The following LHFPL2 variants were observed in gnomAD, a reference collection of about 807,000 sequenced individuals.
The protein encoded by LHFPL2 is LHFPL tetraspan subfamily member 2, also known as LHFPL tetraspan subfamily member 2 protein.
Under a neutral mutation model 17.5 loss-of-function variants are expected in LHFPL2, and 7 were observed. The ratio of observed to expected loss-of-function variants is 0.40; its 90% CI spans 0.23 to 0.75. The LOEUF (loss-of-function observed/expected upper bound fraction) is 0.75. Ranked by LOEUF, LHFPL2 falls within the 30% of genes least tolerant of loss-of-function variation. LHFPL2 has a pLI of 0.37. For missense variants in LHFPL2, 241 were observed against 294.8 expected (o/e 0.82, Z 1.34); for synonymous variants, 134 against 116.2 (o/e 1.15, Z -0.99).
chr5:78,507,624 G>A lies in LHFPL2; in HGVS notation c.430+2160C>T, dbSNP rs1281836898. Among the ~76,000 whole-genome samples the A allele has an allele frequency of 2.0e-5, 3 of 152,110 alleles. No individual in the cohort carries two copies. In the East Asian group the frequency reaches 5.8e-4, roughly 29 times the overall value. ...AGATGTCCCACCCCTTCCAGTAAAT[G>A]GCCACTGGTTTGCTCGAAGGTAGTT... On this transcript the variant is annotated intron_variant, in intron 4 of 4. Coordinates refer to ENST00000380345, the MANE Select transcript of LHFPL2 (RefSeq NM_005779.3).
chr5:78,631,936 A>G (rs1417576299), intron 2 of LHFPL2, among the ~76,000 whole-genome samples: 1 of 58,164 alleles, frequency 1.7e-5, no homozygotes, highest in Non-Finnish European at 3.5e-5. Flanking sequence ...ACTCCATCTC[A>G]AAAAAAAAAA....
chr5:78,501,448 G>C (rs1754770252), intron 4 of LHFPL2, among the ~76,000 whole-genome samples: 1 of 152,170 alleles, frequency 6.6e-6, no homozygotes, highest in Non-Finnish European at 1.5e-5. Flanking sequence ...AGATGGGGGA[G>C]TGTAGAGGGT....
At chr5:78,530,734 G>A (rs1267442182) in intron 3 of LHFPL2, among the ~76,000 whole-genome samples, 1 of 152,182 alleles carries the variant, frequency 6.6e-6, no homozygotes, top group Non-Finnish European at 1.5e-5. Flanking sequence ...AACAACACCT[G>A]TACCTGCCAG....
chr5:78,600,033 C>T (rs890059474), intron 2 of LHFPL2, among the ~76,000 whole-genome samples: 2 of 151,926 alleles, frequency 1.3e-5, no homozygotes, highest in Non-Finnish European at 2.9e-5. Context: ...ATGCAATATA[C>T]CCTTCAGAAA....
chr5:78,508,669 C>G (rs1278281804), intron 4 of LHFPL2, among the ~76,000 whole-genome samples: 2 of 152,200 alleles, frequency 1.3e-5, no homozygotes, highest in African/African-American at 4.8e-5. Context: ...GGGGCTGCTG[C>G]TTTACAGCCC....
chr5:78,606,897 G>A (rs945532441), intron 2 of LHFPL2, among the ~76,000 whole-genome samples: 1 of 151,242 alleles, frequency 6.6e-6, no homozygotes, highest in Non-Finnish European at 1.5e-5. Flanking sequence ...GGCTGGTCTT[G>A]AACTCCTGAC....
chr5:78,572,645 A>C (rs138578731), intron 2 of LHFPL2, among the ~76,000 whole-genome samples: 160 of 152,202 alleles, frequency 1.1e-3, no homozygotes, highest in Non-Finnish European at 2.0e-3. Context: ...TAAAAATTGA[A>C]CATTTACACC....
Position 78,612,639 on chromosome 5 carries a change from C to T in LHFPL2, c.-245+19625G>A, listed in dbSNP as rs138384390. Among the ~76,000 whole-genome samples the T allele has an allele frequency of 5.9e-3, 898 of 152,320 alleles. 8 individuals carry two copies. The highest frequency in any genetic ancestry group is 0.02 in the African/African-American group (841 of 41,556). ...GAGTAAACTAATAAGCAGTCAACTA[C>T]CTACCCATGGCACACTTCCTCTACA... On this transcript the variant is annotated intron_variant, in intron 2 of 4. Transcript: ENST00000380345.
intron 2 of LHFPL2, among the ~76,000 whole-genome samples, chr5:78,576,823 T>C (rs1229396219): frequency 6.6e-6 from 1 of 152,216 alleles, no homozygotes; most frequent in Non-Finnish European, 1.5e-5. Context: ...GTTATATAGA[T>C]ACCAACAGTC....
At chr5:78,532,944 C>A (rs760513007) in intron 3 of LHFPL2, among the ~76,000 whole-genome samples, 1 of 152,316 alleles carries the variant, frequency 6.6e-6, no homozygotes, top group Non-Finnish European at 1.5e-5. Context: ...AAGGGACACA[C>A]CGAGTGAGGC....
At chr5:78,541,596 C>T (rs930964482) in intron 3 of LHFPL2, among the ~76,000 whole-genome samples, 1 of 152,180 alleles carries the variant, frequency 6.6e-6, no homozygotes, top group Non-Finnish European at 1.5e-5. Context: ...AGGTGGGGGT[C>T]CCTTTCATAA....
chr5:78,567,356 T>C (rs958437769), intron 2 of LHFPL2, among the ~76,000 whole-genome samples: 1 of 152,202 alleles, frequency 6.6e-6, no homozygotes, highest in Admixed American at 6.5e-5. Flanking sequence ...TTACAGGGTG[T>C]GATTTTCATT....
chr5:78,519,494 G>T (rs571730336), intron 3 of LHFPL2, among the ~76,000 whole-genome samples: 2 of 152,290 alleles, frequency 1.3e-5, no homozygotes, highest in African/African-American at 4.8e-5. Context: ...CCAGGGCAAT[G>T]AGCTCATCCA....
intron 2 of LHFPL2, among the ~76,000 whole-genome samples, chr5:78,620,213 T>C (rs1216345015): frequency 1.4e-5 from 2 of 147,332 alleles, no homozygotes; most frequent in Admixed American, 1.4e-4. Context: ...TGGTGTGAGA[T>C]GGTATCTCAT....
At chr5:78,514,285 C>A (rs11745350) in intron 3 of LHFPL2, among the ~76,000 whole-genome samples, 39,966 of 151,310 alleles carry the variant, frequency 0.26, 5,533 homozygotes, top group East Asian at 0.47. Context: ...GATTGTGGAT[C>A]ATCTAGACAG....
intron 4 of LHFPL2, among the ~76,000 whole-genome samples, chr5:78,503,857 A>G (rs982779407): frequency 1.3e-5 from 2 of 151,854 alleles, no homozygotes; most frequent in African/African-American, 4.8e-5. Flanking sequence ...TTGCTTCTCT[A>G]TGGTACAGTT....
intron 1 of LHFPL2, among the ~76,000 whole-genome samples, chr5:78,645,545 C>T (rs528139358): frequency 7.7e-4 from 11 of 14,378 alleles, no homozygotes; most frequent in East Asian, 7.8e-3. Flanking sequence ...CAGATGCATA[C>T]ACACACACAC....
At chr5:78,508,706 T>G (rs1755011721) in intron 4 of LHFPL2, among the ~76,000 whole-genome samples, 1 of 152,228 alleles carries the variant, frequency 6.6e-6, no homozygotes. Context: ...TGCATAGCTT[T>G]ATTTTGAAGA....
intron 4 of LHFPL2, among the ~76,000 whole-genome samples, chr5:78,503,561 A>G (rs571878456): frequency 1.8e-4 from 28 of 152,078 alleles, no homozygotes; most frequent in Non-Finnish European, 3.7e-4. Flanking sequence ...AGCCAGGCAT[A>G]GTGGCAGGTG....
Sources: allele counts gnomAD v4.1 joint callset (sites outside exome capture counted in the v4.1 genomes callset), GRCh38; gene constraint gnomAD v4.1.1; transcripts MANE v1.5; gene names NCBI Gene and HGNC (gene_info 2026-07-23, HGNC 2026-07-21).